The following CALD1 variants were observed in gnomAD, a reference collection of about 807,000 sequenced individuals.
The protein encoded by CALD1 is caldesmon.
CALD1 carries 33 observed loss-of-function variants against 99.9 expected under a neutral mutation model. The ratio of observed to expected loss-of-function variants is 0.33; its 90% CI spans 0.25 to 0.44. The LOEUF (loss-of-function observed/expected upper bound fraction) is 0.44, where lower values mean the gene tolerates loss of function less well. CALD1 is among the 20% of genes least tolerant of loss of function. CALD1 has a pLI of 1.00. For missense variants in CALD1, 861 were observed against 962.1 expected, an observed-to-expected ratio of 0.89 and a Z score of 1.39; for synonymous variants, 310 against 325.0, an observed-to-expected ratio of 0.95 and a Z score of 0.50.
At chr7:134,835,771 A>C (rs116518862) in intron 1 of CALD1, among the ~76,000 whole-genome samples, 2 of 152,280 alleles carry the variant, frequency 1.3e-5, no homozygotes, top group African/African-American at 4.8e-5. Flanking sequence ...GTCTAATAGC[A>C]TTAAAGAGGT....
At chr7:134,836,745 C>T (rs1799458210) in intron 1 of CALD1, among the ~76,000 whole-genome samples, 1 of 152,172 alleles carries the variant, frequency 6.6e-6, no homozygotes, top group African/African-American at 2.4e-5. Context: ...TTTCTCTTTC[C>T]TATTTGCTTC....
the CALD1 span, among the ~76,000 whole-genome samples, chr7:134,729,458 C>T: frequency 2.3e-3 from 346 of 152,338 alleles, 2 homozygotes; most frequent in African/African-American, 7.8e-3. Context: ...AGTGGTGGCA[C>T]AGGGCACAGG....
At chr7:134,965,833 GCC>G (rs752155922) in intron 14 of CALD1, among the ~76,000 whole-genome samples, 22 of 125,798 alleles carry the variant, frequency 1.7e-4, no homozygotes, top group African/African-American at 3.2e-4. Context: ...GGTTGCTATG[GCC>G]AAAAAAAAAA....
rs199897392 is a variant in CALD1, at chr7:134,913,273, G to GA, written c.72-15471dup. 1.5e-4 allele frequency among the ~76,000 whole-genome samples: 22 copies of GA among 147,168 alleles called. No homozygotes were observed. The East Asian group carries it at 2.0e-3, about 13-fold the overall frequency. ...AAGAGTGAATCTCCATCTCAAAAAA[G>GA]AAAAAAAAAATTAGGCTATGACTGT... is the stretch of plus-strand genomic sequence containing the variant. On this transcript the variant is annotated intron_variant, in intron 3 of 14. Transcript: ENST00000361675.
At chr7:134,809,946 G>C (rs566552450) in intron 1 of CALD1, among the ~76,000 whole-genome samples, 10 of 152,216 alleles carry the variant, frequency 6.6e-5, no homozygotes, top group African/African-American at 2.4e-4. Flanking sequence ...TTGAGTTTAA[G>C]GGTTTTTCCC....
intron 7 of CALD1, among the ~76,000 whole-genome samples, chr7:134,946,393 A>T (rs918320956): frequency 2.0e-5 from 3 of 152,180 alleles, no homozygotes; most frequent in Non-Finnish European, 4.4e-5. Flanking sequence ...TGTGAGGCAT[A>T]TTCATATTGT....
intron 2 of CALD1, among the ~76,000 whole-genome samples, chr7:134,846,149 A>T (rs1799842701): frequency 6.6e-6 from 1 of 152,204 alleles, no homozygotes; most frequent in African/African-American, 2.4e-5. Flanking sequence ...GGAGGCCAGG[A>T]TGAGAATCCT....
chr7:134,880,286 G>T (rs1008090911), intron 3 of CALD1, among the ~76,000 whole-genome samples: 1 of 152,180 alleles, frequency 6.6e-6, no homozygotes, highest in Non-Finnish European at 1.5e-5. Flanking sequence ...TTTATTTCTG[G>T]AGCTAGTAGC....
At chr7:134,759,583 T>C (rs907458862) in intron 1 of CALD1, among the ~76,000 whole-genome samples, 48 of 152,154 alleles carry the variant, frequency 3.2e-4, no homozygotes, top group African/African-American at 1.1e-3. Flanking sequence ...AATGTGCGCA[T>C]GTGTGTGCAG....
intron 9 of CALD1, among the ~76,000 whole-genome samples, chr7:134,953,199 C>G (rs1408167409): frequency 6.6e-6 from 1 of 152,012 alleles, no homozygotes; most frequent in Non-Finnish European, 1.5e-5. Flanking sequence ...ATTCTCAAGG[C>G]CAGGTGCGGT....
At chr7:134,939,991 A>G (rs753679995) in intron 6 of CALD1, among the ~76,000 whole-genome samples, 35 of 152,136 alleles carry the variant, frequency 2.3e-4, no homozygotes, top group Non-Finnish European at 4.4e-4. Context: ...CTTTAGGAGT[A>G]AATCTTCACA....
rs1229176211 is a variant in CALD1, at chr7:134,783,907, GA to G, written c.-130+4159del. Among the ~76,000 whole-genome samples the G allele has an allele frequency of 6.6e-6, 1 of 152,110 alleles. No individual in the cohort carries two copies. Among genetic ancestry groups the G allele is most frequent in the Non-Finnish European group, 1.5e-5 (1 of 68,026 alleles). On this transcript the variant is annotated intron_variant, in intron 1 of 14. Coordinates refer to ENST00000361675, the MANE Select transcript of CALD1 (RefSeq NM_033138.4). This position sits in a 1 kb window ranked among gnomAD's most constrained non-coding sequence, Gnocchi z 4.3. Reference sequence around the variant, plus strand: ...ATATGACCTCCATTTCAAAGAAAAAGAGGTCATTTCCAGAAAAGAAGCAATT... The same window carrying G: ...ATATGACCTCCATTTCAAAGAAAAAGGGTCATTTCCAGAAAAGAAGCAATT...
intron 2 of CALD1, among the ~76,000 whole-genome samples, chr7:134,848,944 C>T (rs773485954): frequency 1.3e-5 from 2 of 152,170 alleles, no homozygotes; most frequent in African/African-American, 2.4e-5. Context: ...ACAGATATCA[C>T]TGGATTGGAC....
At chr7:134,963,473 G>T (rs1808432096) in intron 13 of CALD1, among the ~76,000 whole-genome samples, 1 of 152,224 alleles carries the variant, frequency 6.6e-6, no homozygotes, top group South Asian at 2.1e-4. Context: ...ATTTAGATCA[G>T]TGTCCACGGG....
At chr7:134,928,089 A>T (rs764539687) in intron 3 of CALD1, 23 of 323,484 alleles carry the variant, frequency 7.1e-5, no homozygotes, top group South Asian at 5.4e-4. Flanking sequence ...GTATCTTTTG[A>T]AGTAAGCATT....
At chr7:134,751,266 T>TA (rs1243207561) in intron 1 of CALD1, among the ~76,000 whole-genome samples, 6 of 152,248 alleles carry the variant, frequency 3.9e-5, no homozygotes, top group African/African-American at 1.4e-4. Flanking sequence ...ATACAGTCAC[T>TA]AAGTGCTCAA....
At chr7:134,891,447 G>A (rs1443583244) in intron 3 of CALD1, 10 of 1,314,786 alleles carry the variant, frequency 7.6e-6, no homozygotes, top group African/African-American at 6.0e-5. Context: ...CCAGACTTTC[G>A]TCACAGGGAC....
chr7:134,854,441 T>C (rs1293830244), intron 2 of CALD1, among the ~76,000 whole-genome samples: 1 of 152,208 alleles, frequency 6.6e-6, no homozygotes, highest in Non-Finnish European at 1.5e-5. Context: ...GGATGATGGT[T>C]GTAGAGTCTC....
intron 1 of CALD1, among the ~76,000 whole-genome samples, chr7:134,769,172 C>T (rs1199896811): frequency 6.6e-6 from 1 of 152,016 alleles, no homozygotes; most frequent in African/African-American, 2.4e-5. Flanking sequence ...GCTATTGCAG[C>T]ATTTTTAACA....
Sources: allele counts gnomAD v4.1 joint callset (sites outside exome capture counted in the v4.1 genomes callset), GRCh38; gene constraint gnomAD v4.1.1; non-coding constraint Gnocchi (gnomAD v3.1); transcripts MANE v1.5; gene names NCBI Gene and HGNC (gene_info 2026-07-23, HGNC 2026-07-21).